Variants in PPP1R9A observed in about 807,000 individuals in gnomAD.
PPP1R9A encodes the protein neurabin-1.
Under a neutral mutation model 141.9 loss-of-function variants are expected in PPP1R9A, and 59 were observed. The observed-to-expected ratio is 0.42, with a 90% CI of 0.34 to 0.52. PPP1R9A has a LOEUF of 0.52. Among genes scored for constraint, PPP1R9A ranks in the 20% least tolerant of loss-of-function variants. The probability of loss-of-function intolerance (pLI) is 0.10; values close to 1 mark genes in which losing one functional copy is unlikely to be tolerated. For missense variants in PPP1R9A, 1,444 were observed against 1,611.9 expected (o/e 0.90, Z 1.78); for synonymous variants, 500 against 569.7 (o/e 0.88, Z 1.74).
At chr7:95,235,005 A>C (rs1357071504) in intron 8 of PPP1R9A, among the ~76,000 whole-genome samples, 1 of 152,180 alleles carries the variant, frequency 6.6e-6, no homozygotes. Context: ...CAACTTATAC[A>C]AAAATCAACT....
rs545063721 is a variant in PPP1R9A at position 95,215,618 on chromosome 7, T to A, written c.1957-10343T>A. Among the ~76,000 whole-genome samples the A allele has an allele frequency of 4.1e-4, 62 of 152,290 alleles. 1 individual carries two copies. The East Asian group carries it at 7.0e-3, about 17-fold the overall frequency. ...GTAAAAGTGTTCCTATTTCTCCACA[T>A]CCTCTCCAGCACCTTTTGTTTCCTG... On this transcript the variant is annotated intron_variant, in intron 7 of 19. Transcript: ENST00000433360.
intron 4 of PPP1R9A, among the ~76,000 whole-genome samples, chr7:95,128,906 G>T (rs1394607127): frequency 1.3e-5 from 2 of 152,090 alleles, no homozygotes; most frequent in Non-Finnish European, 2.9e-5. Context: ...TGAAGACTTA[G>T]TCATAAATTC....
intron 2 of PPP1R9A, among the ~76,000 whole-genome samples, chr7:94,950,153 T>C (rs941783160): frequency 6.6e-6 from 1 of 152,092 alleles, no homozygotes; most frequent in African/African-American, 2.4e-5. Flanking sequence ...ATGTATACCT[T>C]TTTCCTCTCA....
chr7:95,160,557 GTGCAGATTTGT>G (rs886766845), intron 4 of PPP1R9A, among the ~76,000 whole-genome samples: 1 of 150,978 alleles, frequency 6.6e-6, no homozygotes, highest in African/African-American at 2.4e-5. Flanking sequence ...GGGGGTACAT[GTGCAGATTTGT>G]TACCTGGGTA....
chr7:95,290,074 G>T lies in PPP1R9A; in HGVS notation c.3913-17G>T, dbSNP rs775882492. ...ATTGGTTTTCAAATTCAGTTTGTGT[G>T]TGTGTTTCTTTCTTAGGCTCTTGGA... On this transcript the variant is annotated splice_polypyrimidine_tract_variant and intron_variant, in intron 19 of 19. Coordinates refer to ENST00000433360, the MANE Select transcript of PPP1R9A (RefSeq NM_001166160.2). 12 of 1,611,554 alleles carry T rather than the reference G, an allele frequency of 7.4e-6. No homozygotes were observed. Among genetic ancestry groups the T allele is most frequent in the Non-Finnish European group, 1.0e-5 (12 of 1,179,322 alleles).
At chr7:95,103,822 C>T (rs1375418959) in intron 2 of PPP1R9A, among the ~76,000 whole-genome samples, 9 of 152,176 alleles carry the variant, frequency 5.9e-5, no homozygotes, top group Non-Finnish European at 1.2e-4. Context: ...ACTCTCTTTA[C>T]CCTTTTCTGC....
At chr7:95,116,480 A>G (rs1821542278) in intron 3 of PPP1R9A, among the ~76,000 whole-genome samples, 2 of 152,194 alleles carry the variant, frequency 1.3e-5, no homozygotes, top group Non-Finnish European at 2.9e-5. Flanking sequence ...TATTTTATTT[A>G]CAGTAGCACC....
At chr7:95,035,539 T>A (rs1338459754) in intron 2 of PPP1R9A, among the ~76,000 whole-genome samples, 1 of 152,158 alleles carries the variant, frequency 6.6e-6, no homozygotes, top group Admixed American at 6.6e-5. Context: ...ATTTTATTGG[T>A]TTTGGAATCA....
chr7:95,165,340 T>C (rs1024370506), intron 5 of PPP1R9A, among the ~76,000 whole-genome samples: 4 of 152,232 alleles, frequency 2.6e-5, no homozygotes, highest in Non-Finnish European at 5.9e-5. Context: ...TAGGGAAATG[T>C]AGCTGCCATA....
chr7:95,284,784 A>G (rs962573573), intron 17 of PPP1R9A, among the ~76,000 whole-genome samples: 1 of 152,224 alleles, frequency 6.6e-6, no homozygotes, highest in Non-Finnish European at 1.5e-5. Context: ...GAATTAGGAA[A>G]TATATGCATG....
At chr7:95,236,239 TAA>T (rs1274020385) in intron 8 of PPP1R9A, among the ~76,000 whole-genome samples, 1 of 152,188 alleles carries the variant, frequency 6.6e-6, no homozygotes, top group Non-Finnish European at 1.5e-5. Context: ...ATTACTTTTA[TAA>T]AAGAGACTTA....
intron 2 of PPP1R9A, among the ~76,000 whole-genome samples, chr7:94,966,359 T>C (rs1798215081): frequency 6.6e-6 from 1 of 152,164 alleles, no homozygotes; most frequent in Non-Finnish European, 1.5e-5. Flanking sequence ...CTGTGTTGAA[T>C]AGGAGTGGTG....
intron 2 of PPP1R9A, among the ~76,000 whole-genome samples, chr7:94,976,351 T>C (rs1179336479): frequency 1.3e-5 from 2 of 150,754 alleles, no homozygotes; most frequent in Non-Finnish European, 3.0e-5. Flanking sequence ...ATTCTTTTTT[T>C]TTTTTTTTGA....
chr7:95,186,679 A>C (rs1834704587), intron 5 of PPP1R9A, among the ~76,000 whole-genome samples: 1 of 151,982 alleles, frequency 6.6e-6, no homozygotes, highest in Non-Finnish European at 1.5e-5. Context: ...TTATTACCTT[A>C]AGGTATGGCT....
chr7:95,150,793 G>GGTTATT (rs752732232), intron 4 of PPP1R9A, among the ~76,000 whole-genome samples: 2,175 of 152,192 alleles, frequency 0.014, 23 homozygotes, highest in Non-Finnish European at 0.022. Flanking sequence ...TAAAGTATAC[G>GGTTATT]AAAAGCTCTT....
intron 2 of PPP1R9A, among the ~76,000 whole-genome samples, chr7:95,079,840 G>A (rs1020709549): frequency 5.9e-5 from 9 of 152,108 alleles, no homozygotes; most frequent in South Asian, 2.1e-4. Context: ...GACAAAAACC[G>A]CATGATTATC....
rs748439693 is a variant in PPP1R9A at position 95,111,303 on chromosome 7, C to T, written c.1440C>T (p.Asp480=). 2.3e-5 allele frequency: 37 copies of T among 1,612,140 alleles called. No homozygotes were observed. Among genetic ancestry groups the T allele is most frequent in the Admixed American group, 3.3e-5 (2 of 59,886 alleles). The part of the protein sequence containing the change: ...YSNEDYDRRN[D]EVDPVAASAE... Reference sequence around the variant, plus strand: ...ATGAAGACTATGACAGGAGAAATGACGAAGTTGACCCTGTGGCTGCTTCAG... The same window carrying T: ...ATGAAGACTATGACAGGAGAAATGATGAAGTTGACCCTGTGGCTGCTTCAG... Residue 480 remains aspartate, a synonymous_variant, in exon 3 of 20, where the codon GAC becomes GAT. Coordinates refer to ENST00000433360, the MANE Select transcript of PPP1R9A (RefSeq NM_001166160.2).
chr7:95,225,535 A>G (rs1024663941), intron 7 of PPP1R9A, among the ~76,000 whole-genome samples: 2 of 152,148 alleles, frequency 1.3e-5, no homozygotes, highest in Non-Finnish European at 2.9e-5. Context: ...TGCAAGGCTT[A>G]ATTAAGGTCC....
chr7:94,993,240 T>G (rs1410897066), intron 2 of PPP1R9A, among the ~76,000 whole-genome samples: 1 of 152,152 alleles, frequency 6.6e-6, no homozygotes, highest in African/African-American at 2.4e-5. Context: ...TATTTCTGGG[T>G]TCTCTATTCT....
Sources: allele counts gnomAD v4.1 joint callset (sites outside exome capture counted in the v4.1 genomes callset), GRCh38; gene constraint gnomAD v4.1.1; transcripts MANE v1.5; gene names NCBI Gene and HGNC (gene_info 2026-07-23, HGNC 2026-07-21).